Variants in TRAF3IP2 observed in about 807,000 individuals in gnomAD.
TRAF3IP2 encodes E3 ubiquitin ligase TRAF3IP2.
TRAF3IP2 carries 35 observed loss-of-function variants against 57.9 expected under a neutral mutation model. The observed-to-expected ratio is 0.60, with a 90% CI of 0.46 to 0.80. The LOEUF is 0.80. Among genes scored for constraint, TRAF3IP2 ranks in the 30% least tolerant of loss-of-function variants. TRAF3IP2 has a pLI of 0.00. For missense variants in TRAF3IP2, 556 were observed against 706.4 expected (o/e 0.79, Z 2.41); for synonymous variants, 251 against 268.9 (o/e 0.93, Z 0.65).
intron 2 of TRAF3IP2, among the ~76,000 whole-genome samples, chr6:111,588,666 C>T (rs1796412134): frequency 6.6e-6 from 1 of 152,208 alleles, no homozygotes; most frequent in African/African-American, 2.4e-5. Flanking sequence ...TAAGTATTCA[C>T]AGTTCTTCGC....
intron 4 of TRAF3IP2, chr6:111,574,895 T>C (rs1394102609): frequency 1.3e-5 from 2 of 152,228 alleles, no homozygotes; most frequent in Non-Finnish European, 2.9e-5. Flanking sequence ...AGCAAAAAAG[T>C]GCATTTTATT....
At chr6:111,567,773 A>C in intron 5 of TRAF3IP2, 81 bp from the exon 6 acceptor site, 2 of 1,100,170 alleles carry the variant, frequency 1.8e-6, no homozygotes, top group South Asian at 4.0e-5. Flanking sequence ...ACAATACTAT[A>C]TACATTTAAA....
chr6:111,576,872 A>G (rs1428547479), intron 3 of TRAF3IP2: 4 of 152,174 alleles, frequency 2.6e-5, no homozygotes, highest in African/African-American at 9.7e-5. Flanking sequence ...ATAAATTTTA[A>G]AAAAATGTTT....
rs909346951 is a variant in TRAF3IP2 at position 111,558,617 on chromosome 6, CAG to C, written c.*786_*787del. ...CCGGCTAACTTTTTTGTAATTTTAGCAGAGATGGGGTTTCACCATGTTGGCCA... is the reference window on the plus strand; with the variant it reads ...CCGGCTAACTTTTTTGTAATTTTAGCAGATGGGGTTTCACCATGTTGGCCA... On this transcript the variant is annotated 3_prime_UTR_variant, in exon 9 of 9. Transcript: ENST00000368761. The C allele has an allele frequency of 1.7e-4, 26 of 152,176 alleles. No individual in the cohort carries two copies. The highest frequency in any genetic ancestry group is 6.3e-4 in the African/African-American group (26 of 41,512). The allele number at this position is 152,176 out of a possible 1,614,324, so 9.4% of individuals were successfully genotyped here.
chr6:111,600,952 C>T (rs1796842598), intron 1 of TRAF3IP2: 1 of 382,412 alleles, frequency 2.6e-6, no homozygotes, highest in South Asian at 6.3e-5. Flanking sequence ...TTGTCAGACT[C>T]ATTTTACAGA....
intron 6 of TRAF3IP2, chr6:111,567,388 T>C: frequency 7.9e-7 from 1 of 1,259,836 alleles, no homozygotes; most frequent in Non-Finnish European, 1.0e-6. Context: ...TTCCTCTGAT[T>C]GTTATCAACC....
intron 5 of TRAF3IP2, among the ~76,000 whole-genome samples, chr6:111,571,799 G>C (rs1795840548): frequency 6.6e-6 from 1 of 151,822 alleles, no homozygotes; most frequent in African/African-American, 2.4e-5. Context: ...TGGGCATGGT[G>C]GTGGGCACCT....
chr6:111,572,389 G>A (rs1374368138), intron 5 of TRAF3IP2, among the ~76,000 whole-genome samples: 3 of 152,174 alleles, frequency 2.0e-5, no homozygotes, highest in Admixed American at 6.5e-5. Context: ...GCATCACTGC[G>A]TCAAGGTATG....
At chr6:111,604,871 A>T (rs1241273581) in intron 1 of TRAF3IP2, among the ~76,000 whole-genome samples, 1 of 152,144 alleles carries the variant, frequency 6.6e-6, no homozygotes, top group Non-Finnish European at 1.5e-5. Context: ...ACCACCCATT[A>T]CCACTACCCC....
At chr6:111,581,918 C>A (rs947263996) in intron 2 of TRAF3IP2, among the ~76,000 whole-genome samples, 11 of 152,132 alleles carry the variant, frequency 7.2e-5, no homozygotes, top group African/African-American at 2.7e-4. Flanking sequence ...GCAGAGGCTG[C>A]AGTGAGCTGA....
chr6:111,573,050 T>G, intron 4 of TRAF3IP2, 67 bp from the exon 5 acceptor site: 1 of 1,216,054 alleles, frequency 8.2e-7, no homozygotes, highest in East Asian at 2.4e-5. Context: ...AACTTCTAAA[T>G]TATATGCAAT....
rs1284487963 is a variant in TRAF3IP2 at position 111,555,790 on chromosome 6, G to A, written c.*3615C>T. 1.3e-5 allele frequency among the ~76,000 whole-genome samples: 2 copies of A among 152,176 alleles called. No individual in the cohort carries two copies. The highest frequency in any genetic ancestry group is 2.9e-5 in the Non-Finnish European group (2 of 68,030). On this transcript the variant is annotated 3_prime_UTR_variant, in exon 9 of 9. Coordinates refer to ENST00000368761, the MANE Select transcript of TRAF3IP2 (RefSeq NM_147686.4). The stretch of plus-strand genomic sequence containing the variant: ...ACCGAGTGTTAATCTTATTGTCAGT[G>A]CTCTCAAATAGTTGTTACAATTCCT...
At chr6:111,564,977 T>C (rs1795581855) in intron 7 of TRAF3IP2, among the ~76,000 whole-genome samples, 1 of 152,162 alleles carries the variant, frequency 6.6e-6, no homozygotes, top group Non-Finnish European at 1.5e-5. Context: ...GAGCCAGCCA[T>C]GACCTTTTCA....
At chr6:111,595,216 G>C (rs1247741633) in intron 1 of TRAF3IP2, among the ~76,000 whole-genome samples, 1 of 152,124 alleles carries the variant, frequency 6.6e-6, no homozygotes, top group Non-Finnish European at 1.5e-5. Flanking sequence ...CTGGGCAACA[G>C]GAGCGAAACT....
At chr6:111,594,783 C>T (rs186502197) in intron 1 of TRAF3IP2, among the ~76,000 whole-genome samples, 21 of 152,296 alleles carry the variant, frequency 1.4e-4, no homozygotes, top group East Asian at 1.2e-3. Context: ...GGTGCGGTGG[C>T]GTGAGCCTGT....
rs1333955368 is a variant in TRAF3IP2, at chr6:111,605,804, G to A, written c.-37C>T. On this transcript the variant is annotated 5_prime_UTR_variant, in exon 1 of 9. Transcript: ENST00000368761. ...AGATCCACCACGGACAGACAGACTGGGCCCGGAGGGTAGTCGGCTCTCGGC... is the reference window on the plus strand; with the variant it reads ...AGATCCACCACGGACAGACAGACTGAGCCCGGAGGGTAGTCGGCTCTCGGC... The A allele has an allele frequency of 6.6e-6, 1 of 152,102 alleles. No homozygotes were observed. The highest frequency in any genetic ancestry group is 1.5e-5 in the Non-Finnish European group (1 of 68,032). The allele number at this position is 152,102 out of a possible 1,614,324, so 9.4% of individuals were successfully genotyped here.
intron 3 of TRAF3IP2, 88 bp from the exon 4 acceptor site, chr6:111,575,909 T>G (rs1795971972): frequency 6.5e-6 from 8 of 1,236,960 alleles, no homozygotes; most frequent in Non-Finnish European, 9.0e-6. Context: ...TATGGGAAGA[T>G]CCCAGTGGGC....
In TRAF3IP2 at chr6:111,562,951, C is replaced by A; in HGVS notation, c.1551+14G>T. The A allele has an allele frequency of 6.3e-7, 1 of 1,591,730 alleles. No individual in the cohort carries two copies. Among genetic ancestry groups the A allele is most frequent in the South Asian group, 1.1e-5 (1 of 89,756 alleles). On this transcript the variant is annotated intron_variant, in intron 8 of 8. Coordinates refer to ENST00000368761, the MANE Select transcript of TRAF3IP2 (RefSeq NM_147686.4). ...AGATTGAATTATGAGGATTTTGTTT[C>A]TTTGTTTGTTTACCTTCTTAGCATT...
intron 2 of TRAF3IP2, among the ~76,000 whole-genome samples, chr6:111,590,985 TGTTAAACTAACCCAGA>T (rs1400529658): frequency 6.6e-6 from 1 of 152,202 alleles, no homozygotes; most frequent in Non-Finnish European, 1.5e-5. Flanking sequence ...TAGGCAGGTT[TGTTAAACTAACCCAGA>T]CAGAGGAACC....
Sources: gnomAD v4.1 joint callset for allele counts (sites outside exome capture counted in the v4.1 genomes callset) on GRCh38, gnomAD v4.1.1 for gene constraint, MANE v1.5 for transcripts, NCBI Gene and HGNC (gene_info 2026-07-23, HGNC 2026-07-21) for gene names.